Variants in CDC27 observed in about 807,000 individuals in gnomAD.
CDC27 encodes the protein cell division cycle protein 27 homolog.
Under a neutral mutation model 109.7 loss-of-function variants are expected in CDC27, and 27 were observed. The ratio of observed to expected loss-of-function variants is 0.25; its 90% CI spans 0.18 to 0.34. The LOEUF (loss-of-function observed/expected upper bound fraction) is 0.34, where lower values mean the gene tolerates loss of function less well. Among genes scored for constraint, CDC27 ranks in the 10% least tolerant of loss-of-function variants. CDC27 has a pLI of 1.00. For missense variants in CDC27, 579 were observed against 960.2 expected (o/e 0.60, Z 5.25); for synonymous variants, 266 against 333.9 (o/e 0.80, Z 2.22).
intron 1 of CDC27, among the ~76,000 whole-genome samples, chr17:47,186,391 T>C (rs1169684485): frequency 6.6e-6 from 1 of 152,228 alleles, no homozygotes; most frequent in African/African-American, 2.4e-5. Context: ...AATTGCTATA[T>C]TGCTTATTAA....
intron 2 of CDC27, chr17:47,181,254 CAAAAAAAAAAAAAAAAAAA>C (rs34104273): frequency 1.2e-3 from 38 of 31,232 alleles, no homozygotes; most frequent in Admixed American, 2.3e-3. Context: ...GACCCTGTTT[CAAAAAAAAAAAAAAAAAAA>C]AAAAAAAAAA....
chr17:47,158,384 A>G, intron 4 of CDC27, 81 bp from the exon 5 acceptor site: 1 of 588,538 alleles, frequency 1.7e-6, no homozygotes, highest in South Asian at 5.0e-5. Flanking sequence ...AAAATTAGGT[A>G]AAAGTTACAG....
At chr17:47,124,364 A>G (rs1301857363) in intron 16 of CDC27, among the ~76,000 whole-genome samples, 4 of 151,920 alleles carry the variant, frequency 2.6e-5, no homozygotes, top group Admixed American at 6.6e-5. Flanking sequence ...GCTCTCTGCA[A>G]TCTCCGCTTC....
chr17:47,134,459 C>A (rs1017487035), intron 14 of CDC27, among the ~76,000 whole-genome samples: 2 of 152,022 alleles, frequency 1.3e-5, no homozygotes, highest in Non-Finnish European at 2.9e-5. Context: ...CAGGCATACA[C>A]CACCATGCCT....
At chr17:47,154,325 GTTAT>G (rs1318524861) in intron 8 of CDC27, among the ~76,000 whole-genome samples, 1 of 151,590 alleles carries the variant, frequency 6.6e-6, no homozygotes, top group Non-Finnish European at 1.5e-5. Context: ...CATAATTTCT[GTTAT>G]TTATAGTCAA....
intron 12 of CDC27, 28 bp downstream of exon 12, chr17:47,141,825 G>A (rs1174823262): frequency 1.4e-6 from 2 of 1,413,218 alleles, no homozygotes; most frequent in African/African-American, 1.5e-5. Flanking sequence ...TCTCTAGAAA[G>A]GCATATATAA....
chr17:47,168,785 T>C (rs1008349605), intron 4 of CDC27, among the ~76,000 whole-genome samples: 18 of 152,126 alleles, frequency 1.2e-4, no homozygotes, highest in Non-Finnish European at 1.9e-4. Flanking sequence ...TCAAATAATG[T>C]ATTCTGTTCA....
At chr17:47,183,824 T>C (rs1049255444) in intron 1 of CDC27, among the ~76,000 whole-genome samples, 6 of 152,212 alleles carry the variant, frequency 3.9e-5, no homozygotes, top group Non-Finnish European at 7.3e-5. Context: ...AAGCAAATGA[T>C]CTTTAATTTC....
At chr17:47,121,128 AT>A in intron 18 of CDC27, 111 bp from the exon 19 acceptor site, 2 of 697,344 alleles carry the variant, frequency 2.9e-6, no homozygotes, top group East Asian at 5.5e-5. Context: ...AAAACCCTAA[AT>A]AAAGGCCCTT....
chr17:47,158,035 A>G (rs1221490988), intron 5 of CDC27, among the ~76,000 whole-genome samples, 171 bp downstream of exon 5: 1 of 152,230 alleles, frequency 6.6e-6, no homozygotes, highest in African/African-American at 2.4e-5. Flanking sequence ...TTTCAGTTAT[A>G]TGATTCTTGA....
At position 47,128,203 on chromosome 17, in the gene CDC27, G is replaced by T. The variant is rs988628620; in HGVS notation, c.2160+1190C>A. Among the ~76,000 whole-genome samples, 107 of 151,600 alleles carry T rather than the reference G, an allele frequency of 7.1e-4. 2 individuals carry two copies. The highest frequency in any genetic ancestry group is 7.0e-3 in the Admixed American group (105 of 15,010). On this transcript the variant is annotated intron_variant, in intron 16 of 18. Transcript: ENST00000066544. The stretch of plus-strand genomic sequence containing the variant: ...ACACCACCATGCCTGGCTAATTTTT[G>T]TATTTTTGGTAGAGATGGGGTTTCA...
Position 47,118,505 on chromosome 17 carries a change from T to C in CDC27, c.*2430A>G, listed in dbSNP as rs1221079473. 3 of 152,644 alleles carry C rather than the reference T, an allele frequency of 2.0e-5. No homozygotes were observed. The highest frequency in any genetic ancestry group is 4.4e-5 in the Non-Finnish European group (3 of 68,036). The allele number at this position is 152,644 out of a possible 1,614,324, so 9.5% of individuals were successfully genotyped here. On this transcript the variant is annotated 3_prime_UTR_variant, in exon 19 of 19. Coordinates refer to ENST00000066544, the MANE Select transcript of CDC27 (RefSeq NM_001256.6). ...GCGCGTATATATATATGTATATAGATGTATTAAGTTGGTGCAAAAGTAATT... is the reference window on the plus strand; with the variant it reads ...GCGCGTATATATATATGTATATAGACGTATTAAGTTGGTGCAAAAGTAATT...
At chr17:47,163,613 A>G (rs1194214531) in intron 4 of CDC27, among the ~76,000 whole-genome samples, 8 of 152,218 alleles carry the variant, frequency 5.3e-5, no homozygotes, top group Admixed American at 5.2e-4. Context: ...TTGTTTACAT[A>G]TATGTATACA....
intron 12 of CDC27, among the ~76,000 whole-genome samples, chr17:47,140,322 C>G (rs2062757030): frequency 6.6e-6 from 1 of 152,206 alleles, no homozygotes; most frequent in Non-Finnish European, 1.5e-5. Flanking sequence ...CCACATTGGC[C>G]AGGTTGGTCT....
intron 2 of CDC27, among the ~76,000 whole-genome samples, chr17:47,173,128 CT>C (rs1450401929): frequency 1.3e-5 from 2 of 152,192 alleles, no homozygotes; most frequent in African/African-American, 4.8e-5. Flanking sequence ...ACAAGACAAA[CT>C]TGCCACATCT....
chr17:47,175,898 C>T (rs976168689), intron 2 of CDC27, among the ~76,000 whole-genome samples: 14 of 152,094 alleles, frequency 9.2e-5, no homozygotes, highest in African/African-American at 3.4e-4. Flanking sequence ...ATTAAAGTAC[C>T]GACTCTGAAG....
In CDC27 at chr17:47,170,026, G is replaced by T; in HGVS notation, c.268C>A (p.Gln90Lys). The T allele has an allele frequency of 6.5e-7, 1 of 1,529,142 alleles. No homozygotes were observed. Among genetic ancestry groups the T allele is most frequent in the Non-Finnish European group, 8.8e-7 (1 of 1,141,530 alleles). 94.7% of individuals were successfully genotyped at this position (1,529,142 alleles called of 1,614,324 possible). ...VDLSKLAEGE[Q>K]ILSGGVFNKQ... ...TTAAACACTCCACCAGATAAGATTT[G>T]TTCCCCTTCTGCAAGCCTTTAAAAT... is the stretch of plus-strand genomic sequence containing the variant. The change falls in exon 4 of 19, where the codon CAA (glutamine) becomes AAA (lysine). Residue 90 changes from glutamine to lysine, a missense_variant. By Grantham distance (53) the Gln-to-Lys change is moderately conservative (BLOSUM62 1). Around this residue, in one of 9 missense-constraint regions of CDC27, gnomAD observed 52 missense variants for 63.4 expected, o/e 0.82. Coordinates refer to ENST00000066544, the MANE Select transcript of CDC27 (RefSeq NM_001256.6).
intron 12 of CDC27, 40 bp from the exon 13 acceptor site, chr17:47,138,931 C>T (rs1205529153): frequency 3.0e-6 from 4 of 1,332,946 alleles, no homozygotes; most frequent in Admixed American, 2.2e-5. Flanking sequence ...CAAGTTGATA[C>T]AATTTATATA....
At chr17:47,163,579 G>T (rs2063557688) in intron 4 of CDC27, among the ~76,000 whole-genome samples, 1 of 152,020 alleles carries the variant, frequency 6.6e-6, no homozygotes, top group African/African-American at 2.4e-5. Context: ...ATATTCCTCT[G>T]AAGAAGGAGA....
Sources: gnomAD v4.1 joint callset for allele counts (sites outside exome capture counted in the v4.1 genomes callset) on GRCh38, gnomAD v4.1.1 for gene constraint, gnomAD v4.1.1 regional missense constraint, MANE v1.5 for transcripts, NCBI Gene and HGNC (gene_info 2026-07-23, HGNC 2026-07-21) for gene names.